Variants in MTHFD1L observed in about 807,000 individuals in gnomAD.
MTHFD1L encodes the protein monofunctional C1-tetrahydrofolate synthase, mitochondrial.
Under a neutral mutation model 119.5 loss-of-function variants are expected in MTHFD1L, and 81 were observed. The ratio of observed to expected loss-of-function variants is 0.68; its 90% CI spans 0.57 to 0.82. MTHFD1L has a LOEUF of 0.82. Ranked by LOEUF, MTHFD1L falls within the 40% of genes least tolerant of loss-of-function variation. The pLI, the probability that MTHFD1L is intolerant of heterozygous loss-of-function variation, is 0.00. For synonymous variants in MTHFD1L, 430 were observed against 475.2 expected (o/e 0.90, Z 1.24); for missense variants, 1,125 against 1,253.4 (o/e 0.90, Z 1.55).
rs369265152 is a variant in MTHFD1L at position 150,868,391 on chromosome 6, G to A, written c.227+2342G>A. On this transcript the variant is annotated intron_variant, in intron 1 of 27. Coordinates refer to ENST00000367321, the MANE Select transcript of MTHFD1L (RefSeq NM_015440.5). ...ATCTCACTCTGTCGCACAGGTTGGAGTGCAGTGGCGGGATCTCGGCTCACT... is the reference window on the plus strand; with the variant it reads ...ATCTCACTCTGTCGCACAGGTTGGAATGCAGTGGCGGGATCTCGGCTCACT... 4.0e-5 allele frequency among the ~76,000 whole-genome samples: 6 copies of A among 149,460 alleles called. No homozygotes were observed. In the East Asian group the frequency reaches 6.0e-4, roughly 15 times the overall value.
chr6:151,050,726 T>C (rs1459475143), intron 26 of MTHFD1L, among the ~76,000 whole-genome samples: 1 of 152,016 alleles, frequency 6.6e-6, no homozygotes, highest in Non-Finnish European at 1.5e-5. Flanking sequence ...GCTTGGTGTA[T>C]GGGGAAACCC....
chr6:151,042,827 C>T (rs1195730566), intron 26 of MTHFD1L, among the ~76,000 whole-genome samples: 2 of 152,028 alleles, frequency 1.3e-5, no homozygotes, highest in African/African-American at 4.8e-5. Context: ...TCTCTTTTTC[C>T]ATATAGATCA....
intron 20 of MTHFD1L, among the ~76,000 whole-genome samples, chr6:150,996,809 T>A (rs1339090998): frequency 6.6e-6 from 1 of 152,012 alleles, no homozygotes; most frequent in Non-Finnish European, 1.5e-5. Context: ...AAAGTAGGCG[T>A]GTAGAAGCAG....
At chr6:151,099,802 A>C (rs2128668518) in intron 27 of MTHFD1L, 3 of 1,606,514 alleles carry the variant, frequency 1.9e-6, no homozygotes, top group Non-Finnish European at 2.5e-6. Flanking sequence ...GATGTGCAAC[A>C]ATCGTACTTG....
At chr6:150,944,327 G>A (rs1291533194) in intron 13 of MTHFD1L, among the ~76,000 whole-genome samples, 159 bp from the exon 14 acceptor site, 1 of 152,112 alleles carries the variant, frequency 6.6e-6, no homozygotes, top group Non-Finnish European at 1.5e-5. Context: ...TGCACCTATA[G>A]TCCCAGCCTA....
intron 26 of MTHFD1L, among the ~76,000 whole-genome samples, chr6:151,071,144 T>C (rs992786923): frequency 1.3e-5 from 2 of 152,218 alleles, no homozygotes; most frequent in African/African-American, 4.8e-5. Context: ...GTTAAACTTT[T>C]GTGTAAGCTC....
intron 26 of MTHFD1L, among the ~76,000 whole-genome samples, chr6:151,083,002 T>G (rs893002395): frequency 6.6e-6 from 1 of 152,092 alleles, no homozygotes; most frequent in Non-Finnish European, 1.5e-5. Flanking sequence ...CAGTTCTCCT[T>G]CCTAATGGGC....
intron 26 of MTHFD1L, among the ~76,000 whole-genome samples, chr6:151,052,787 C>T (rs1562601726): frequency 6.6e-6 from 1 of 152,212 alleles, no homozygotes; most frequent in Non-Finnish European, 1.5e-5. Context: ...CCATTCTTCA[C>T]TCTTTAATGC....
chr6:151,090,800 C>A (rs375292889), intron 26 of MTHFD1L, among the ~76,000 whole-genome samples: 1 of 152,374 alleles, frequency 6.6e-6, no homozygotes, highest in South Asian at 2.1e-4. Flanking sequence ...AGAGCAGGCA[C>A]AGTAGAACCT....
chr6:150,971,282 C>T (rs1797967047), intron 19 of MTHFD1L, among the ~76,000 whole-genome samples: 1 of 152,130 alleles, frequency 6.6e-6, no homozygotes, highest in South Asian at 2.1e-4. Flanking sequence ...CTGCAACCTC[C>T]ACCTCCCAGG....
intron 20 of MTHFD1L, among the ~76,000 whole-genome samples, chr6:150,979,762 A>G (rs1000846855): frequency 3.3e-5 from 5 of 152,074 alleles, no homozygotes; most frequent in African/African-American, 1.2e-4. Context: ...TGCCTCCCAA[A>G]GTGTAGAGAT....
rs566816908 is a variant in MTHFD1L, at chr6:150,981,515, T to G, written c.2125+9457T>G. ...TGGTATTTTTTATGTGTTTTCAAAT[T>G]TTATATATTAATAGATATTAACTGA... On this transcript the variant is annotated intron_variant, in intron 20 of 27. Coordinates refer to ENST00000367321, the MANE Select transcript of MTHFD1L (RefSeq NM_015440.5). Among the ~76,000 whole-genome samples the G allele has an allele frequency of 3.9e-5, 6 of 152,316 alleles. No individual in the cohort carries two copies. The East Asian group carries it at 9.6e-4, about 24-fold the overall frequency.
At chr6:151,068,890 T>A (rs1169090186) in intron 26 of MTHFD1L, among the ~76,000 whole-genome samples, 1 of 152,222 alleles carries the variant, frequency 6.6e-6, no homozygotes, top group African/African-American at 2.4e-5. Flanking sequence ...GTGCACAGCC[T>A]GATTTCTTTT....
At chr6:150,870,612 A>T (rs1466583126) in intron 1 of MTHFD1L, among the ~76,000 whole-genome samples, 1 of 151,864 alleles carries the variant, frequency 6.6e-6, no homozygotes, top group African/African-American at 2.4e-5. Context: ...GTTTTGTCTA[A>T]AAAAAAACCC....
intron 13 of MTHFD1L, among the ~76,000 whole-genome samples, chr6:150,941,296 G>A (rs556970526): frequency 7.9e-5 from 12 of 152,136 alleles, no homozygotes; most frequent in Admixed American, 5.2e-4. Flanking sequence ...GCGGGAGTTG[G>A]GGGGGTTGAG....
chr6:150,953,655 C>T (rs1795167040), intron 16 of MTHFD1L, among the ~76,000 whole-genome samples: 1 of 152,140 alleles, frequency 6.6e-6, no homozygotes, highest in Non-Finnish European at 1.5e-5. Flanking sequence ...GCATCACTTA[C>T]CGGGCCATGT....
intron 26 of MTHFD1L, among the ~76,000 whole-genome samples, chr6:151,051,934 C>T (rs144967241): frequency 3.9e-5 from 6 of 152,286 alleles, no homozygotes; most frequent in African/African-American, 1.2e-4. Flanking sequence ...GAGGTCTGTG[C>T]GTGAGCCTGG....
At chr6:151,006,636 A>T (rs1420860056) in intron 20 of MTHFD1L, among the ~76,000 whole-genome samples, 1 of 152,114 alleles carries the variant, frequency 6.6e-6, no homozygotes. Context: ...GAAACTTTTC[A>T]TTAATATATT....
chr6:150,896,572 A>G (rs1248224296), intron 7 of MTHFD1L, among the ~76,000 whole-genome samples: 1 of 152,160 alleles, frequency 6.6e-6, no homozygotes, highest in African/African-American at 2.4e-5. Context: ...GTGTGGAATT[A>G]AGTGCACTGA....
Sources: allele counts gnomAD v4.1 joint callset (sites outside exome capture counted in the v4.1 genomes callset), GRCh38; gene constraint gnomAD v4.1.1; transcripts MANE v1.5; gene names NCBI Gene and HGNC (gene_info 2026-07-23, HGNC 2026-07-21).